Variants in LEKR1 observed in about 807,000 individuals in gnomAD.
LEKR1 encodes leucine, glutamate and lysine rich 1.
Under a neutral mutation model 72.4 loss-of-function variants are expected in LEKR1, and 59 were observed. The observed-to-expected ratio is 0.82, with a 90% CI of 0.66 to 1.01. The LOEUF (loss-of-function observed/expected upper bound fraction) is 1.01. LEKR1 is among the 50% of genes least tolerant of loss of function. LEKR1 has a pLI of 0.00. For synonymous variants in LEKR1, 257 were observed against 263.2 expected (o/e 0.98, Z 0.23); for missense variants, 728 against 759.2 (o/e 0.96, Z 0.48).
chr3:157,009,886 A>G (rs941265867), intron 9 of LEKR1, among the ~76,000 whole-genome samples: 12 of 152,034 alleles, frequency 7.9e-5, no homozygotes, highest in African/African-American at 2.9e-4. Flanking sequence ...ATAATTATCA[A>G]CTATTCATGT....
intron 12 of LEKR1, among the ~76,000 whole-genome samples, chr3:157,045,020 G>C (rs1735649947): frequency 6.6e-6 from 1 of 152,178 alleles, no homozygotes; most frequent in African/African-American, 2.4e-5. Context: ...CTGAAGTTAG[G>C]TATAAGAAGT....
intron 4 of LEKR1, 119 bp from the exon 5 acceptor site, chr3:156,927,310 G>A: frequency 3.6e-6 from 1 of 279,564 alleles, no homozygotes; most frequent in Non-Finnish European, 6.3e-6. Context: ...CCTTCTTTTG[G>A]TTTCAAAATT....
At chr3:156,858,486 A>C (rs1716356018) in intron 3 of LEKR1, among the ~76,000 whole-genome samples, 1 of 152,076 alleles carries the variant, frequency 6.6e-6, no homozygotes, top group African/African-American at 2.4e-5. Context: ...CAGCCTGGCC[A>C]ACATGGTGAA....
intron 3 of LEKR1, among the ~76,000 whole-genome samples, chr3:156,862,307 C>G (rs1302725085): frequency 6.6e-6 from 1 of 151,940 alleles, no homozygotes; most frequent in African/African-American, 2.4e-5. Context: ...TTGAATTTCC[C>G]TTGCTTAAAA....
intron 3 of LEKR1, among the ~76,000 whole-genome samples, chr3:156,909,360 A>G (rs1027780279): frequency 6.6e-6 from 1 of 152,054 alleles, no homozygotes; most frequent in Non-Finnish European, 1.5e-5. Flanking sequence ...TATTAGATGT[A>G]TGTTTAAATT....
intron 3 of LEKR1, among the ~76,000 whole-genome samples, chr3:156,855,395 G>A (rs1015476641): frequency 1.3e-5 from 2 of 152,044 alleles, no homozygotes; most frequent in Non-Finnish European, 2.9e-5. Context: ...TGCCAATGAA[G>A]CTGAACATTT....
intron 3 of LEKR1, among the ~76,000 whole-genome samples, chr3:156,855,924 C>G (rs1300562735): frequency 6.6e-6 from 1 of 152,076 alleles, no homozygotes. Context: ...TGTGACCACC[C>G]TCCAATTCCA....
chr3:156,911,442 A>G (rs1425248957), intron 3 of LEKR1, among the ~76,000 whole-genome samples: 1 of 152,080 alleles, frequency 6.6e-6, no homozygotes, highest in Non-Finnish European at 1.5e-5. Context: ...GTTTTCTCCC[A>G]TTCTCTATGC....
At chr3:156,929,796 G>C (rs61744181) in intron 5 of LEKR1, among the ~76,000 whole-genome samples, 2 of 152,072 alleles carry the variant, frequency 1.3e-5, no homozygotes, top group African/African-American at 4.8e-5. Context: ...TGCATGTTCT[G>C]TTCTAAGCGT....
chr3:156,972,356 G>C (rs181581870), intron 6 of LEKR1, among the ~76,000 whole-genome samples: 11 of 152,060 alleles, frequency 7.2e-5, no homozygotes, highest in Admixed American at 2.0e-4. Flanking sequence ...GGTCGGAGGA[G>C]GGGGGAGGGA....
intron 6 of LEKR1, among the ~76,000 whole-genome samples, chr3:156,966,749 A>T (rs985920967): frequency 6.6e-6 from 1 of 152,188 alleles, no homozygotes; most frequent in Admixed American, 6.5e-5. Context: ...GCAGACTTGA[A>T]TGTCCCTGTC....
rs747189343 is a variant in LEKR1 at position 156,993,127 on chromosome 3, T to C, written c.959T>C (p.Ile320Thr). Reference sequence around the variant, plus strand: ...GACTCTTTAATGACTTGTCAACAGATATATAAAGCATTACAGGAAGAGCTG... The same window carrying C: ...GACTCTTTAATGACTTGTCAACAGACATATAAAGCATTACAGGAAGAGCTG... ...KEDSLMTCQQ[I>T]YKALQEELTV... The change falls in exon 9 of 13, where the codon ATA becomes ACA. Residue 320 changes from isoleucine (I) to threonine (T), a missense_variant. Physicochemically the swap from Ile to Thr is moderately conservative, Grantham distance 89. Transcript: ENST00000356539. The C allele has an allele frequency of 1.2e-6, 2 of 1,611,912 alleles. No individual in the cohort carries two copies. Among genetic ancestry groups the C allele is most frequent in the Non-Finnish European group, 1.7e-6 (2 of 1,179,006 alleles).
At chr3:156,917,177 G>A (rs1723739103) in intron 3 of LEKR1, among the ~76,000 whole-genome samples, 1 of 151,994 alleles carries the variant, frequency 6.6e-6, no homozygotes, top group African/African-American at 2.4e-5. Context: ...AACTTTAATA[G>A]GATGGAAGAT....
Position 156,852,668 on chromosome 3 carries a change from A to G in LEKR1, c.49-100A>G, listed in dbSNP as rs368837764. ...TTATTGCTCCAAGGCATAGTATACT[A>G]TGTATTTACTTCATTCAACCAGCAT... On this transcript the variant is annotated intron_variant, in intron 2 of 12. Transcript: ENST00000356539. 2.6e-5 allele frequency: 16 copies of G among 612,256 alleles called. 1 individual carries two copies. The South Asian group carries it at 3.1e-4, about 12-fold the overall frequency. 37.9% of individuals were successfully genotyped at this position (612,256 alleles called of 1,614,324 possible). A position where few individuals can be genotyped will look rare whatever the true frequency, so the allele number is the denominator to read the frequency against.
chr3:156,941,318 G>A (rs774480459), intron 5 of LEKR1, among the ~76,000 whole-genome samples: 58 of 152,000 alleles, frequency 3.8e-4, no homozygotes, highest in Admixed American at 1.3e-3. Flanking sequence ...TCCCAGACAT[G>A]CTTTCTACCC....
chr3:156,938,365 T>C (rs1725906684), intron 5 of LEKR1, among the ~76,000 whole-genome samples: 1 of 152,138 alleles, frequency 6.6e-6, no homozygotes, highest in African/African-American at 2.4e-5. Flanking sequence ...AAAAAGTTTT[T>C]ATGTTTTTTT....
intron 6 of LEKR1, among the ~76,000 whole-genome samples, chr3:156,963,888 C>G (rs1728334401): frequency 6.6e-6 from 1 of 152,156 alleles, no homozygotes; most frequent in Non-Finnish European, 1.5e-5. Context: ...ACATTGTTAT[C>G]ATTAATGTAT....
intron 7 of LEKR1, among the ~76,000 whole-genome samples, chr3:156,983,979 C>T (rs1043219980): frequency 6.6e-6 from 1 of 151,864 alleles, no homozygotes; most frequent in African/African-American, 2.4e-5. Flanking sequence ...TCCTTAACAC[C>T]CTAGAAAATT....
At chr3:156,976,692 T>C (rs1335548570) in intron 6 of LEKR1, among the ~76,000 whole-genome samples, 4 of 152,308 alleles carry the variant, frequency 2.6e-5, no homozygotes, top group Admixed American at 2.0e-4. Flanking sequence ...CACACTCTTA[T>C]GGACAATATC....
Sources: allele counts gnomAD v4.1 joint callset (sites outside exome capture counted in the v4.1 genomes callset), GRCh38; gene constraint gnomAD v4.1.1; transcripts MANE v1.5; gene names NCBI Gene and HGNC (gene_info 2026-07-23, HGNC 2026-07-21).